Variants in ADGRB3 observed in about 807,000 individuals in gnomAD.
ADGRB3 encodes the protein adhesion G protein-coupled receptor B3, also known as brain-specific angiogenesis inhibitor 3.
ADGRB3 carries 37 observed loss-of-function variants against 193.4 expected under a neutral mutation model. The ratio of observed to expected loss-of-function variants is 0.19; its 90% CI spans 0.15 to 0.25. ADGRB3 has a LOEUF of 0.25. Among genes scored for constraint, ADGRB3 ranks in the 10% least tolerant of loss-of-function variants. The pLI is 1.00. For missense variants in ADGRB3, 1,637 were observed against 1,852.9 expected, an observed-to-expected ratio of 0.88 and a Z score of 2.14; for synonymous variants, 690 against 644.2, an observed-to-expected ratio of 1.07 and a Z score of -1.08.
chr6:68,653,272 T>C (rs1266227083), intron 3 of ADGRB3, among the ~76,000 whole-genome samples: 1 of 152,140 alleles, frequency 6.6e-6, no homozygotes, highest in Non-Finnish European at 1.5e-5. Context: ...ACTTCCTTTT[T>C]TGAGACGCTG....
Position 68,706,286 on chromosome 6 carries a change from T to G in ADGRB3, c.757+66854T>G, listed in dbSNP as rs758441922. 3.1e-4 allele frequency among the ~76,000 whole-genome samples: 47 copies of G among 152,032 alleles called. 1 individual carries two copies. Among genetic ancestry groups the G allele is most frequent in the Admixed American group, 1.3e-4 (2 of 15,236 alleles). On this transcript the variant is annotated intron_variant, in intron 3 of 31. Coordinates refer to ENST00000370598, the MANE Select transcript of ADGRB3 (RefSeq NM_001704.3). Reference sequence around the variant, plus strand: ...CACTGCTAAAATTTTGACCCAGCAATGATGGAGCTGGCTGGGGTGGGGAAG... The same window carrying G: ...CACTGCTAAAATTTTGACCCAGCAAGGATGGAGCTGGCTGGGGTGGGGAAG...
chr6:69,253,566 T>A (rs1423855089), intron 20 of ADGRB3, among the ~76,000 whole-genome samples: 4 of 152,066 alleles, frequency 2.6e-5, no homozygotes, highest in African/African-American at 9.7e-5. Flanking sequence ...TTTGGACTCT[T>A]ATATAATGCT....
At chr6:68,811,768 C>A (rs897741687) in intron 3 of ADGRB3, among the ~76,000 whole-genome samples, 1 of 151,966 alleles carries the variant, frequency 6.6e-6, no homozygotes, top group African/African-American at 2.4e-5. Context: ...CCGTGACCAG[C>A]CGAGGTGGAT....
chr6:69,001,307 C>T (rs1158130388), intron 11 of ADGRB3, among the ~76,000 whole-genome samples: 1 of 152,208 alleles, frequency 6.6e-6, no homozygotes. Flanking sequence ...GCATTTTCCA[C>T]CATTCATCCT....
chr6:69,121,346 C>T (rs545396338), intron 17 of ADGRB3, among the ~76,000 whole-genome samples: 12 of 152,340 alleles, frequency 7.9e-5, no homozygotes, highest in African/African-American at 2.6e-4. Context: ...TTAACGGCAT[C>T]CCAAAGCAGA....
At chr6:69,163,830 T>G (rs998626730) in intron 17 of ADGRB3, among the ~76,000 whole-genome samples, 2 of 152,170 alleles carry the variant, frequency 1.3e-5, no homozygotes, top group Non-Finnish European at 2.9e-5. Context: ...TTTGTATAAT[T>G]GATTGCCTTT....
rs912025639 is a variant in ADGRB3, at chr6:69,382,915, A to G, written c.4360A>G (p.Ile1454Val). The G allele has an allele frequency of 6.2e-7, 1 of 1,605,596 alleles. No homozygotes were observed. Among genetic ancestry groups the G allele is most frequent in the African/African-American group, 1.3e-5 (1 of 74,590 alleles). The part of the protein sequence containing the change: ...KFQTLDRFRD[I>V]PNTSSMENPA... ...TCAAACTTTGGACAGATTTCGGGAT[A>G]TACCAAATACAAGCAGTATGGTAAG... The change falls in exon 31 of 32, where the codon ATA becomes GTA. Residue 1454 changes from isoleucine to valine, a missense_variant. By Grantham distance (29) the Ile-to-Val change is conservative (BLOSUM62 3). This residue lies in a region of ADGRB3 where 368 missense variants were observed against 367.4 expected (regional missense o/e 1.00). Transcript: ENST00000370598.
At chr6:69,346,286 C>T (rs938911945) in intron 26 of ADGRB3, among the ~76,000 whole-genome samples, 1 of 152,154 alleles carries the variant, frequency 6.6e-6, no homozygotes, top group Non-Finnish European at 1.5e-5. Context: ...CCAAGACAAT[C>T]CTAAGCAAAA....
chr6:69,242,495 T>C (rs1766406439), intron 20 of ADGRB3, among the ~76,000 whole-genome samples: 1 of 151,944 alleles, frequency 6.6e-6, no homozygotes, highest in South Asian at 2.1e-4. Flanking sequence ...GATGTTGATG[T>C]ACAGAATAGT....
rs142052574 is a variant in ADGRB3 at position 69,358,812 on chromosome 6, A to G, written c.3596-2057A>G. Among the ~76,000 whole-genome samples the G allele has an allele frequency of 2.1e-4, 32 of 152,010 alleles. No homozygotes were observed. In the East Asian group the frequency reaches 4.6e-3, roughly 22 times the overall value. On this transcript the variant is annotated intron_variant, in intron 28 of 31. Transcript: ENST00000370598. ...AGGTGGTATGATTTGTTTATGCTGT[A>G]TATTCAAAACTTGGATATACATTTT... is the stretch of plus-strand genomic sequence containing the variant.
chr6:68,680,453 G>T (rs975702597), intron 3 of ADGRB3, among the ~76,000 whole-genome samples: 1 of 152,118 alleles, frequency 6.6e-6, no homozygotes, highest in South Asian at 2.1e-4. Context: ...TGAAAGGTAG[G>T]CCCAGCTATG....
chr6:68,867,286 T>C (rs1024450245), intron 3 of ADGRB3, among the ~76,000 whole-genome samples: 14 of 152,192 alleles, frequency 9.2e-5, no homozygotes, highest in African/African-American at 2.7e-4. Context: ...AGGGGGAAGG[T>C]ACAGCTCAGG....
chr6:68,927,413 G>C (rs981505433), intron 3 of ADGRB3, among the ~76,000 whole-genome samples: 2 of 152,008 alleles, frequency 1.3e-5, no homozygotes, highest in African/African-American at 4.8e-5. Context: ...TAAAATAATA[G>C]CAAAAATAAT....
rs1412483416 is a variant in ADGRB3, at chr6:68,752,528, C to T, written c.757+113096C>T. Among the ~76,000 whole-genome samples the T allele has an allele frequency of 2.6e-5, 4 of 152,222 alleles. No homozygotes were observed. In the South Asian group the frequency reaches 8.3e-4, roughly 32 times the overall value. ...ACTCAGGTGATCCACCTGCCTCGGC[C>T]TCCCAAAGTGCTGGGATTACAGGCG... On this transcript the variant is annotated intron_variant, in intron 3 of 31. Transcript: ENST00000370598.
intron 3 of ADGRB3, among the ~76,000 whole-genome samples, chr6:68,765,021 G>A (rs1283292538): frequency 6.6e-6 from 1 of 152,168 alleles, no homozygotes; most frequent in Non-Finnish European, 1.5e-5. Flanking sequence ...TAGCATGTTG[G>A]CCTTCAATCC....
chr6:68,682,352 A>G (rs1283427673), intron 3 of ADGRB3, among the ~76,000 whole-genome samples: 2 of 152,244 alleles, frequency 1.3e-5, no homozygotes, highest in Non-Finnish European at 2.9e-5. Context: ...TTGTATAAAT[A>G]TAAAGCAAGA....
intron 17 of ADGRB3, among the ~76,000 whole-genome samples, chr6:69,190,197 A>C (rs1195328587): frequency 1.3e-5 from 2 of 152,204 alleles, no homozygotes; most frequent in East Asian, 3.9e-4. Context: ...TCGGGAAGTC[A>C]TTTGTGGAGA....
intron 29 of ADGRB3, among the ~76,000 whole-genome samples, chr6:69,371,805 A>G (rs906215681): frequency 6.6e-6 from 1 of 152,102 alleles, no homozygotes; most frequent in African/African-American, 2.4e-5. Flanking sequence ...GGGGTGCGGA[A>G]TAGTTTGTTT....
intron 3 of ADGRB3, among the ~76,000 whole-genome samples, chr6:68,711,548 A>C (rs541858141): frequency 6.6e-6 from 1 of 152,220 alleles, no homozygotes; most frequent in Non-Finnish European, 1.5e-5. Context: ...CTTTCTGCAT[A>C]AATGGTCCTC....
Sources: allele counts gnomAD v4.1 joint callset (sites outside exome capture counted in the v4.1 genomes callset), GRCh38; gene constraint gnomAD v4.1.1; regional missense constraint gnomAD v4.1.1; transcripts MANE v1.5; gene names NCBI Gene and HGNC (gene_info 2026-07-23, HGNC 2026-07-21).